The following DOCK11 variants were observed in gnomAD, a reference collection of about 807,000 sequenced individuals.
DOCK11 encodes dedicator of cytokinesis 11.
In DOCK11, 70 loss-of-function variants were observed where a neutral mutation model predicts 169.1. The observed-to-expected ratio is 0.41, with a 90% CI of 0.34 to 0.51. The LOEUF (loss-of-function observed/expected upper bound fraction) is 0.51, where lower values mean the gene tolerates loss of function less well. Among genes scored for constraint, DOCK11 ranks in the 20% least tolerant of loss-of-function variants. DOCK11 has a pLI of 0.10. For missense variants in DOCK11, 1,166 were observed against 1,538.8 expected (o/e 0.76, Z 4.05); for synonymous variants, 529 against 541.3 (o/e 0.98, Z 0.32).
chrX:118,593,879 T>C (rs977919243), intron 20 of DOCK11, among the ~76,000 whole-genome samples: 9 of 112,434 alleles, frequency 8.0e-5, no homozygotes, highest in Non-Finnish European at 1.5e-4. Flanking sequence ...CAAATATCAT[T>C]GTCCATATGC....
chrX:118,532,885 A>T (rs1288006618), intron 1 of DOCK11, among the ~76,000 whole-genome samples: 2 of 109,501 alleles, frequency 1.8e-5, no homozygotes, highest in East Asian at 5.7e-4. Context: ...CACAAGGTGG[A>T]GCATCTCCTG....
chrX:118,681,057 G>A lies in DOCK11; in HGVS notation c.5672-1G>A. The A allele has an allele frequency of 8.6e-7, 1 of 1,158,592 alleles. No homozygotes were observed. Among genetic ancestry groups the A allele is most frequent in the Non-Finnish European group, 1.1e-6 (1 of 871,265 alleles). ...GTAAATCAATCTTAACATTTTAATA[G>A]CTTCAAACTCGTTTCCTTACGTGAA... On this transcript the variant is annotated splice_acceptor_variant, in intron 49 of 52. Coordinates refer to ENST00000276202, the MANE Select transcript of DOCK11 (RefSeq NM_144658.4). LOFTEE classifies it high-confidence loss of function.
In DOCK11 at chrX:118,576,936, C is replaced by G. The variant is rs151040862; in HGVS notation, c.1390-1589C>G. 8.1e-4 allele frequency among the ~76,000 whole-genome samples: 91 copies of G among 112,343 alleles called. 1 individual carries two copies. Among genetic ancestry groups the G allele is most frequent in the African/African-American group, 2.6e-3 (82 of 30,993 alleles). ...CGAGCCACCACACCCAGCAGTATTA[C>G]TGTTCTAATCAGGCCTCATCATATG... On this transcript the variant is annotated intron_variant, in intron 12 of 52. Transcript: ENST00000276202.
chrX:118,522,175 C>T (rs1007439706), intron 1 of DOCK11, among the ~76,000 whole-genome samples: 1 of 110,775 alleles, frequency 9.0e-6, no homozygotes, highest in Non-Finnish European at 1.9e-5. Flanking sequence ...AAAAATTTAG[C>T]TGGGTGTGGT....
At chrX:118,595,613 A>C (rs2147434249) in intron 20 of DOCK11, among the ~76,000 whole-genome samples, 1 of 112,220 alleles carries the variant, frequency 8.9e-6, no homozygotes, top group African/African-American at 3.2e-5. Flanking sequence ...CTGAAAGCTA[A>C]ATTACTGATT....
chrX:118,574,123 C>T (rs1430589346), intron 12 of DOCK11, 105 bp downstream of exon 12: 3 of 843,123 alleles, frequency 3.6e-6, no homozygotes, highest in Non-Finnish European at 5.0e-6. Context: ...CATTCTCTCT[C>T]TTGTAAGGTC....
At chrX:118,585,236 A>C in intron 16 of DOCK11, 119 bp downstream of exon 16, 1 of 614,918 alleles carries the variant, frequency 1.6e-6, no homozygotes, top group South Asian at 2.9e-5. Context: ...CCATAGCACA[A>C]AGTACTGTTA....
intron 46 of DOCK11, among the ~76,000 whole-genome samples, chrX:118,673,686 C>T (rs909103460): frequency 1.5e-4 from 17 of 111,112 alleles, no homozygotes; most frequent in Non-Finnish European, 3.2e-4. Context: ...TACAATTAAC[C>T]ATTTTAAAGT....
chrX:118,622,944 G>A (rs966651794), intron 31 of DOCK11, among the ~76,000 whole-genome samples: 6 of 112,362 alleles, frequency 5.3e-5, no homozygotes, highest in South Asian at 7.3e-4. Context: ...GGCCGGGAGC[G>A]GTGGCTCACG....
At chrX:118,566,774 T>C in intron 9 of DOCK11, 121 bp downstream of exon 9, 1 of 628,295 alleles carries the variant, frequency 1.6e-6, no homozygotes, top group East Asian at 3.8e-5. Context: ...AGCAAATTGG[T>C]GAAACAGGTA....
intron 14 of DOCK11, among the ~76,000 whole-genome samples, chrX:118,582,656 G>A (rs957568423): frequency 8.9e-6 from 1 of 111,817 alleles, no homozygotes; most frequent in Admixed American, 9.5e-5. Context: ...AGACATTTAT[G>A]TGGCCAACAA....
intron 1 of DOCK11, among the ~76,000 whole-genome samples, chrX:118,523,802 T>C (rs759104161): frequency 2.2e-4 from 24 of 111,442 alleles, no homozygotes; most frequent in Non-Finnish European, 4.1e-4. Flanking sequence ...ATGTGACAAA[T>C]AGTTGGTTCG....
intron 40 of DOCK11, among the ~76,000 whole-genome samples, chrX:118,644,106 A>G (rs983660782): frequency 3.6e-5 from 4 of 111,833 alleles, no homozygotes; most frequent in African/African-American, 1.3e-4. Flanking sequence ...GCTAAACAAT[A>G]ACCTCAGACT....
chrX:118,671,193 G>A (rs752086613), intron 46 of DOCK11, 48 bp downstream of exon 46: 3 of 1,134,317 alleles, frequency 2.6e-6, no homozygotes, highest in Middle Eastern at 4.9e-4. Context: ...TTTTATTTTG[G>A]TTTTAGGGAA....
chrX:118,550,768 T>C (rs1271348797), intron 6 of DOCK11, among the ~76,000 whole-genome samples: 8 of 111,768 alleles, frequency 7.2e-5, no homozygotes, highest in African/African-American at 2.3e-4. Flanking sequence ...AGGCTAAAGC[T>C]AAAGATGAGG....
intron 31 of DOCK11, among the ~76,000 whole-genome samples, chrX:118,621,244 C>T (rs2014963743): frequency 8.9e-6 from 1 of 112,180 alleles, no homozygotes; most frequent in Non-Finnish European, 1.9e-5. Flanking sequence ...ACTTCGTGGG[C>T]TTGGTTAACC....
At chrX:118,500,629 A>AT (rs1230681236) in intron 1 of DOCK11, among the ~76,000 whole-genome samples, 54 of 106,538 alleles carry the variant, frequency 5.1e-4, no homozygotes, top group Admixed American at 6.1e-4. Flanking sequence ...TTGTTTATGT[A>AT]TTTTTTTTTT....
At chrX:118,597,883 T>C in intron 21 of DOCK11, 147 bp from the exon 22 acceptor site, 1 of 389,467 alleles carries the variant, frequency 2.6e-6, no homozygotes, top group Non-Finnish European at 4.3e-6. Flanking sequence ...GATACATTTA[T>C]TCTAAAGGCA....
In DOCK11 at chrX:118,580,133, T is replaced by C; in HGVS notation, c.1549T>C (p.Cys517Arg). Reference protein sequence around the residue: ...QKVHRTAKQVCSRLGQYRMPF... With the variant: ...QKVHRTAKQVRSRLGQYRMPF... ...GGTGCACAGGACAGCTAAACAAGTG[T>C]GTAGCCGCCTTGGACAATACAGAAT... is the stretch of plus-strand genomic sequence containing the variant. The change falls in exon 14 of 53, where the codon TGT becomes CGT. Residue 517 changes from cysteine (C) to arginine (R), a missense_variant. Transcript: ENST00000276202. 8.3e-7 allele frequency: 1 copy of C among 1,210,207 alleles called. No homozygotes were observed. Among genetic ancestry groups the C allele is most frequent in the Non-Finnish European group, 1.1e-6 (1 of 894,931 alleles).
Sources: allele counts gnomAD v4.1 joint callset (sites outside exome capture counted in the v4.1 genomes callset), GRCh38; gene constraint gnomAD v4.1.1; transcripts MANE v1.5; gene names NCBI Gene and HGNC (gene_info 2026-07-23, HGNC 2026-07-21).